SHLD2: variants seen among roughly 807,000 people sequenced by gnomAD.
SHLD2 encodes shieldin complex subunit 2.
Under a neutral mutation model 73.2 loss-of-function variants are expected in SHLD2, and 30 were observed. The observed-to-expected ratio is 0.41, with a 90% CI of 0.31 to 0.56. The LOEUF (loss-of-function observed/expected upper bound fraction) is 0.56, where lower values mean the gene tolerates loss of function less well. Ranked by LOEUF, SHLD2 falls within the 20% of genes least tolerant of loss-of-function variation. The pLI, the probability that SHLD2 is intolerant of heterozygous loss-of-function variation, is 0.28. For missense variants in SHLD2, 745 were observed against 1,055.9 expected (o/e 0.71, Z 4.08); for synonymous variants, 285 against 370.1 (o/e 0.77, Z 2.64).
intron 9 of SHLD2, among the ~76,000 whole-genome samples, chr10:87,187,511 T>C (rs1002456586): frequency 1.3e-5 from 2 of 152,206 alleles, no homozygotes; most frequent in Admixed American, 6.5e-5. Context: ...ATAATATATA[T>C]GAAGATAGTC....
At chr10:87,179,992 C>T (rs1835473425) in intron 7 of SHLD2, 83 bp from the exon 8 acceptor site, 2 of 901,026 alleles carry the variant, frequency 2.2e-6, no homozygotes, top group Middle Eastern at 2.7e-4. Flanking sequence ...GACTGTAAAT[C>T]AACTATAAAA....
intron 8 of SHLD2, among the ~76,000 whole-genome samples, chr10:87,180,590 A>G (rs1449241302): frequency 6.6e-6 from 1 of 152,170 alleles, no homozygotes; most frequent in Non-Finnish European, 1.5e-5. Context: ...ACCAAAATCT[A>G]AATGCTCATA....
chr10:87,133,701 A>T (rs569490799), intron 2 of SHLD2, among the ~76,000 whole-genome samples: 2 of 152,350 alleles, frequency 1.3e-5, no homozygotes, highest in Admixed American at 1.3e-4. Flanking sequence ...TATATATGTT[A>T]AAGAATAATA....
At chr10:87,136,074 C>T (rs1218828565) in intron 2 of SHLD2, among the ~76,000 whole-genome samples, 11 of 151,514 alleles carry the variant, frequency 7.3e-5, no homozygotes, top group Non-Finnish European at 8.8e-5. Context: ...AGATTTGTCT[C>T]TTCTTCCTCA....
At chr10:87,121,487 A>AG (rs113044449) in intron 2 of SHLD2, among the ~76,000 whole-genome samples, 48,127 of 151,602 alleles carry the variant, frequency 0.32, 8,384 homozygotes, top group East Asian at 0.74. Flanking sequence ...CTATCCATAA[A>AG]TATTATGAGG....
At chr10:87,160,436 C>T (rs531652247) in intron 4 of SHLD2, among the ~76,000 whole-genome samples, 2 of 152,276 alleles carry the variant, frequency 1.3e-5, no homozygotes, top group East Asian at 3.9e-4. Context: ...GATTGTACCA[C>T]AGCACTTCAG....
At chr10:87,105,801 G>C (rs1391886077) in intron 2 of SHLD2, among the ~76,000 whole-genome samples, 2 of 152,126 alleles carry the variant, frequency 1.3e-5, no homozygotes, top group African/African-American at 4.8e-5. Context: ...GCATATCCCG[G>C]TATTAGTGAA....
intron 9 of SHLD2, among the ~76,000 whole-genome samples, chr10:87,189,237 G>T: frequency 6.6e-6 from 1 of 152,212 alleles, no homozygotes; most frequent in Non-Finnish European, 1.5e-5. Context: ...CCAACCTCAG[G>T]TGATCTGCCT....
intron 8 of SHLD2, among the ~76,000 whole-genome samples, chr10:87,184,766 C>G (rs1848514192): frequency 1.3e-5 from 2 of 152,118 alleles, no homozygotes. Context: ...CTGTCTGACT[C>G]CACAAGGCTG....
intron 7 of SHLD2, among the ~76,000 whole-genome samples, chr10:87,178,788 AC>A (rs918922750): frequency 2.6e-5 from 4 of 152,222 alleles, no homozygotes; most frequent in Admixed American, 1.3e-4. Flanking sequence ...TGAATCTTCT[AC>A]AGTTTGTTAC....
chr10:87,102,729 T>G (rs577657952), intron 2 of SHLD2, among the ~76,000 whole-genome samples: 1 of 151,618 alleles, frequency 6.6e-6, no homozygotes, highest in Non-Finnish European at 1.5e-5. Flanking sequence ...AAGAAAAAAA[T>G]TTTTAAAAAT....
chr10:87,171,183 G>T (rs565613899), intron 6 of SHLD2, among the ~76,000 whole-genome samples: 1 of 151,946 alleles, frequency 6.6e-6, no homozygotes, highest in Non-Finnish European at 1.5e-5. Flanking sequence ...AATTAATGGT[G>T]GTGAAATAAA....
Position 87,098,992 on chromosome 10 carries a change from T to A in SHLD2, c.-6+2003T>A, listed in dbSNP as rs185799538. Among the ~76,000 whole-genome samples, 4 of 152,286 alleles carry A rather than the reference T, an allele frequency of 2.6e-5. No individual in the cohort carries two copies. In the East Asian group the frequency reaches 7.7e-4, roughly 29 times the overall value. On this transcript the variant is annotated intron_variant, in intron 2 of 9. Transcript: ENST00000298786. Reference sequence around the variant, plus strand: ...GGTTTCACTATGTTGCCCAGGCTGGTCTCGAACTCCTGGGCTCAAGCGATA... The same window carrying A: ...GGTTTCACTATGTTGCCCAGGCTGGACTCGAACTCCTGGGCTCAAGCGATA...
intron 2 of SHLD2, among the ~76,000 whole-genome samples, chr10:87,148,058 C>T (rs1266817608): frequency 1.3e-5 from 2 of 152,170 alleles, no homozygotes; most frequent in Non-Finnish European, 2.9e-5. Context: ...ACCATGTTGC[C>T]TAGGCTAGTC....
intron 2 of SHLD2, among the ~76,000 whole-genome samples, chr10:87,107,107 A>AAAAAAAAAAG (rs56386341): frequency 2.9e-4 from 43 of 146,486 alleles, no homozygotes; most frequent in Admixed American, 1.1e-3. Flanking sequence ...AAAAAAAAAA[A>AAAAAAAAAAG]AGAGATTTAA....
chr10:87,165,888 T>C (rs1847162443), intron 4 of SHLD2, among the ~76,000 whole-genome samples: 1 of 152,220 alleles, frequency 6.6e-6, no homozygotes, highest in Admixed American at 6.5e-5. Flanking sequence ...TTTTTGCAAC[T>C]TTTTTGTAAG....
Position 87,151,686 on chromosome 10 carries a change from G to T in SHLD2, c.332G>T (p.Arg111Ile), listed in dbSNP as rs1846022332. ...NIESQKIHSS[R>I]LSDITSSNMQ... ...GAATCCCAGAAGATTCACTCCTCTAGACTGAGTGATATAACTAGCTCTAAT... is the reference window on the plus strand; with the variant it reads ...GAATCCCAGAAGATTCACTCCTCTATACTGAGTGATATAACTAGCTCTAAT... Residue 111 changes from arginine (R) to isoleucine (I), a missense_variant, in exon 3 of 10, where the codon AGA becomes ATA. Arg to Ile is a moderately conservative substitution (Grantham distance 97). Transcript: ENST00000298786. 1 of 1,611,466 alleles carries T rather than the reference G, an allele frequency of 6.2e-7. No individual in the cohort carries two copies. The highest frequency in any genetic ancestry group is 8.5e-7 in the Non-Finnish European group (1 of 1,179,440).
Position 87,117,237 on chromosome 10 carries a change from T to C in SHLD2, c.-6+20248T>C, listed in dbSNP as rs1337595485. On this transcript the variant is annotated intron_variant, in intron 2 of 9. Coordinates refer to ENST00000298786, the MANE Select transcript of SHLD2 (RefSeq NM_001330112.2). ...GAGTTTGAGACCAGCCTGACCAACA[T>C]TGAGAAACCCCATCCCTATTAAAAA... 7.9e-5 allele frequency among the ~76,000 whole-genome samples: 12 copies of C among 151,900 alleles called. No homozygotes were observed. The South Asian group carries it at 1.0e-3, about 13-fold the overall frequency.
At chr10:87,155,555 A>T (rs1846355579) in intron 3 of SHLD2, among the ~76,000 whole-genome samples, 1 of 151,914 alleles carries the variant, frequency 6.6e-6, no homozygotes, top group Non-Finnish European at 1.5e-5. Context: ...GTATGAGCTT[A>T]TGTTGCAGAG....
Sources: gnomAD v4.1 joint callset for allele counts (sites outside exome capture counted in the v4.1 genomes callset) on GRCh38, gnomAD v4.1.1 for gene constraint, MANE v1.5 for transcripts, NCBI Gene and HGNC (gene_info 2026-07-23, HGNC 2026-07-21) for gene names.